Variants in ZNF143 observed in about 807,000 individuals in gnomAD.
ZNF143 encodes the protein SPH-binding factor.
A neutral mutation model predicts 74.1 loss-of-function variants in ZNF143; 49 were observed. The ratio of observed to expected loss-of-function variants is 0.66; its 90% confidence interval spans 0.53 to 0.84. ZNF143 has a LOEUF of 0.84. ZNF143 is among the 40% of genes least tolerant of loss of function. ZNF143 has a pLI of 0.00. For synonymous variants in ZNF143, 304 were observed against 282.8 expected (o/e 1.07, Z -0.75); for missense variants, 637 against 793.4 (o/e 0.80, Z 2.37).
rs869069237 is a variant in ZNF143 at position 9,476,746 on chromosome 11, C to CTTTTTTTTTTTTTTT, written c.374-1627_374-1613dup. On this transcript the variant is annotated intron_variant, in intron 5 of 15. Transcript: ENST00000396602. ...TTGTTGTGAAGCCAAAGGGAGGAATCTTTTTTTTTTTTTTTTTTTTTTTTT... is the reference window on the plus strand; with the variant it reads ...TTGTTGTGAAGCCAAAGGGAGGAATCTTTTTTTTTTTTTTTTTTTTTTTTTTTTTTTTTTTTTTTT... Among the ~76,000 whole-genome samples, 19 of 34,854 alleles carry CTTTTTTTTTTTTTTT rather than the reference C, an allele frequency of 5.5e-4. 8 individuals carry two copies. Among genetic ancestry groups the CTTTTTTTTTTTTTTT allele is most frequent in the Non-Finnish European group, 7.5e-4 (14 of 18,726 alleles). The allele number at this position is 34,854 out of a possible 152,430, so 22.9% of individuals were successfully genotyped here.
chr11:9,502,117 G>C (rs1490077623), intron 11 of ZNF143, among the ~76,000 whole-genome samples: 2 of 149,642 alleles, frequency 1.3e-5, no homozygotes, highest in Non-Finnish European at 3.0e-5. Context: ...TGTATTTTTA[G>C]TAGAGACGGG....
chr11:9,504,709 C>G (rs1413705931), intron 11 of ZNF143, among the ~76,000 whole-genome samples: 1 of 101,054 alleles, frequency 9.9e-6, no homozygotes, highest in East Asian at 2.6e-4. Flanking sequence ...GCGTCTCGCT[C>G]TGTTGCCCAG....
intron 2 of ZNF143, among the ~76,000 whole-genome samples, chr11:9,472,171 C>T (rs1856614611): frequency 2.0e-5 from 3 of 150,870 alleles, no homozygotes; most frequent in Non-Finnish European, 3.0e-5. Context: ...TCAAGCCATC[C>T]ACCCACCTCA....
In ZNF143 at chr11:9,512,550, G is replaced by T; in HGVS notation, c.1478G>T (p.Gly493Val). The T allele has an allele frequency of 6.2e-7, 1 of 1,614,198 alleles. No homozygotes were observed. Among genetic ancestry groups the T allele is most frequent in the Non-Finnish European group, 8.5e-7 (1 of 1,180,034 alleles). The change falls in exon 13 of 16, where the codon GGA (glycine) becomes GTA (valine). Residue 493 changes from glycine to valine, a missense_variant. Gly to Val is a moderately radical substitution (Grantham distance 109). Coordinates refer to ENST00000396602, the MANE Select transcript of ZNF143 (RefSeq NM_003442.6). ...CAAGTAGCCACAGTAACCCAATCTG[G>T]ACTGAGTCAACAAGTTACACTCATA... The part of the protein sequence containing the change: ...STQVATVTQS[G>V]LSQQVTLISQ...
chr11:9,491,853 C>G (rs1022190846), intron 7 of ZNF143, among the ~76,000 whole-genome samples: 1 of 152,168 alleles, frequency 6.6e-6, no homozygotes, highest in African/African-American at 2.4e-5. Flanking sequence ...TAGTCTCGAA[C>G]TCCTGATCTC....
intron 11 of ZNF143, among the ~76,000 whole-genome samples, chr11:9,507,692 G>A (rs1037232022): frequency 1.3e-5 from 2 of 151,886 alleles, no homozygotes; most frequent in Non-Finnish European, 2.9e-5. Context: ...TCAGTTTTAG[G>A]TCCCTACACC....
intron 11 of ZNF143, among the ~76,000 whole-genome samples, chr11:9,502,841 T>TG (rs1267291359): frequency 6.6e-6 from 1 of 151,684 alleles, no homozygotes; most frequent in Admixed American, 6.6e-5. Context: ...ATGCAGTATG[T>TG]GGGGGGTTTT....
intron 1 of ZNF143, chr11:9,463,724 G>A (rs1856010888): frequency 6.6e-6 from 1 of 152,166 alleles, no homozygotes; most frequent in East Asian, 1.9e-4. Flanking sequence ...CCTTTGCTGT[G>A]TGTTGGAATG....
chr11:9,467,067 A>G (rs567122067), intron 1 of ZNF143, among the ~76,000 whole-genome samples: 55 of 149,616 alleles, frequency 3.7e-4, no homozygotes, highest in Admixed American at 6.7e-4. Flanking sequence ...AATTTTTTGT[A>G]TTTTTTAGTA....
chr11:9,499,126 AT>A (rs1408359111), intron 10 of ZNF143, among the ~76,000 whole-genome samples: 3 of 152,228 alleles, frequency 2.0e-5, no homozygotes, highest in Non-Finnish European at 4.4e-5. Flanking sequence ...CATAGTATTC[AT>A]TTGTCAAACC....
chr11:9,479,393 C>G lies in ZNF143; in HGVS notation c.571-79C>G, dbSNP rs77589451. On this transcript the variant is annotated intron_variant, in intron 6 of 15. Coordinates refer to ENST00000396602, the MANE Select transcript of ZNF143 (RefSeq NM_003442.6). ...TCTTTTTCTTTTTTTTTGCAAGCTT[C>G]TCCCTGAACCATGTACTTAACCAGC... 9,633 of 1,077,612 alleles carry G rather than the reference C, an allele frequency of 8.9e-3. 391 individuals are homozygous for G. The African/African-American group carries it at 0.11, about 12-fold the overall frequency. The allele number at this position is 1,077,612 out of a possible 1,614,324, so 66.8% of individuals were successfully genotyped here.
At chr11:9,461,179 C>A (rs886167694) in intron 1 of ZNF143, 103 bp downstream of exon 1, 12 of 715,886 alleles carry the variant, frequency 1.7e-5, no homozygotes, top group Non-Finnish European at 1.9e-5. Context: ...CTCCGGCTCC[C>A]GCTGCTCAGC....
intron 1 of ZNF143, among the ~76,000 whole-genome samples, chr11:9,467,327 C>T (rs1413788193): frequency 2.0e-5 from 3 of 151,854 alleles, no homozygotes; most frequent in African/African-American, 7.3e-5. Context: ...CCTCCACCCT[C>T]CGGGTTCAAG....
At chr11:9,491,530 T>TCAG (rs1307476738) in intron 7 of ZNF143, among the ~76,000 whole-genome samples, 1 of 151,846 alleles carries the variant, frequency 6.6e-6, no homozygotes, top group Non-Finnish European at 1.5e-5. Flanking sequence ...TCCCAGCTAC[T>TCAG]CAGGAGGCTG....
chr11:9,483,341 A>AGACTGGAG (rs1847327238), intron 7 of ZNF143, among the ~76,000 whole-genome samples: 1 of 112,016 alleles, frequency 8.9e-6, no homozygotes, highest in South Asian at 2.9e-4. Flanking sequence ...TCTGTCACCC[A>AGACTGGAG]GACTGGAGTG....
chr11:9,523,561 G>C (rs1849015419), intron 14 of ZNF143, among the ~76,000 whole-genome samples: 2 of 151,150 alleles, frequency 1.3e-5, no homozygotes, highest in African/African-American at 4.9e-5. Flanking sequence ...GTGAAACCCC[G>C]TGTCTACTAA....
At chr11:9,501,429 T>C (rs555329187) in intron 11 of ZNF143, among the ~76,000 whole-genome samples, 159 bp downstream of exon 11, 7 of 152,352 alleles carry the variant, frequency 4.6e-5, no homozygotes, top group African/African-American at 1.7e-4. Context: ...TTAACAGTCA[T>C]ACATTCATTT....
At chr11:9,462,965 C>T (rs1198362259) in intron 1 of ZNF143, among the ~76,000 whole-genome samples, 1 of 152,168 alleles carries the variant, frequency 6.6e-6, no homozygotes, top group East Asian at 1.9e-4. Context: ...AGAAACTATA[C>T]CCGTTAGCAA....
Position 9,527,580 on chromosome 11 carries a change from C to T in ZNF143, c.1884C>T (p.Ile628=). 6.2e-7 allele frequency: 1 copy of T among 1,614,082 alleles called. No individual in the cohort carries two copies. The highest frequency in any genetic ancestry group is 8.5e-7 in the Non-Finnish European group (1 of 1,180,008). Residue 628 remains isoleucine, a synonymous_variant, in exon 16 of 16, where the codon ATC becomes ATT. Coordinates refer to ENST00000396602, the MANE Select transcript of ZNF143 (RefSeq NM_003442.6). ...LEEAIRIASR[I]QQGETPGLDD is the part of the protein sequence containing the mutation. Reference sequence around the variant, plus strand: ...AAGCCATCAGAATAGCGTCTAGAATCCAACAAGGAGAAACGCCAGGGTTGG... The same window carrying T: ...AAGCCATCAGAATAGCGTCTAGAATTCAACAAGGAGAAACGCCAGGGTTGG...
Sources: gnomAD v4.1 joint callset for allele counts (sites outside exome capture counted in the v4.1 genomes callset) on GRCh38, gnomAD v4.1.1 for gene constraint, MANE v1.5 for transcripts, NCBI Gene and HGNC (gene_info 2026-07-23, HGNC 2026-07-21) for gene names.